The following LRRC7 variants were observed in gnomAD, a reference collection of about 807,000 sequenced individuals.
LRRC7 encodes the protein leucine rich repeat containing 7.
A neutral mutation model predicts 175.7 loss-of-function variants in LRRC7; 23 were observed. The ratio of observed to expected loss-of-function variants is 0.13; its 90% CI spans 0.09 to 0.19. The LOEUF is 0.19. LRRC7 is among the 10% of genes least tolerant of loss of function. The pLI is 1.00. For missense variants in LRRC7, 1,354 were observed against 1,904.7 expected (o/e 0.71, Z 5.38); for synonymous variants, 685 against 680.9 (o/e 1.01, Z -0.09).
intron 1 of LRRC7, among the ~76,000 whole-genome samples, chr1:69,579,794 CTTTTTTTT>C (rs71242784): frequency 1.8e-4 from 23 of 127,152 alleles, no homozygotes; most frequent in East Asian, 4.6e-4. Flanking sequence ...TGAATAGAAG[CTTTTTTTT>C]TTTTTTTTTT....
At chr1:69,968,138 C>T (rs1020446854) in intron 8 of LRRC7, among the ~76,000 whole-genome samples, 4 of 151,908 alleles carry the variant, frequency 2.6e-5, no homozygotes, top group African/African-American at 9.7e-5. Flanking sequence ...ACAATGGATG[C>T]ACTTATAGAA....
chr1:69,988,365 T>C (rs1654124793), intron 10 of LRRC7, among the ~76,000 whole-genome samples: 1 of 152,044 alleles, frequency 6.6e-6, no homozygotes, highest in Non-Finnish European at 1.5e-5. Flanking sequence ...AGCCCAGGAA[T>C]TCGAGTCCAC....
At chr1:70,055,568 C>T (rs1661082616) in intron 23 of LRRC7, among the ~76,000 whole-genome samples, 1 of 152,136 alleles carries the variant, frequency 6.6e-6, no homozygotes, top group Admixed American at 6.5e-5. Flanking sequence ...TTAATTGACT[C>T]ACAGTTCCTC....
chr1:69,892,934 G>C (rs1294108159), intron 7 of LRRC7, among the ~76,000 whole-genome samples: 8 of 152,164 alleles, frequency 5.3e-5, no homozygotes, highest in Non-Finnish European at 1.0e-4. Context: ...ACTTATGCTA[G>C]TGTTGCTTAT....
chr1:69,614,183 A>T (rs777182273), intron 1 of LRRC7, among the ~76,000 whole-genome samples: 69 of 152,008 alleles, frequency 4.5e-4, no homozygotes, highest in East Asian at 9.7e-4. Flanking sequence ...TCATTGAAAA[A>T]TTTTATTGGT....
intron 23 of LRRC7, among the ~76,000 whole-genome samples, chr1:70,066,788 A>G (rs986290304): frequency 6.6e-6 from 1 of 152,046 alleles, no homozygotes; most frequent in Non-Finnish European, 1.5e-5. Context: ...TGCATGTTCA[A>G]TTTGTAAAGA....
At chr1:70,107,602 T>C in intron 25 of LRRC7, 150 bp from the exon 26 acceptor site, 1 of 502,638 alleles carries the variant, frequency 2.0e-6, no homozygotes, top group African/African-American at 1.9e-5. Context: ...GAGTGCTGCC[T>C]TGCTTAAAAT....
At chr1:69,871,049 T>C (rs1685480392) in intron 7 of LRRC7, among the ~76,000 whole-genome samples, 1 of 152,094 alleles carries the variant, frequency 6.6e-6, no homozygotes, top group Admixed American at 6.6e-5. Flanking sequence ...ATATTCTTAA[T>C]TCATTGACTT....
chr1:69,917,822 C>A (rs569255604), intron 7 of LRRC7, among the ~76,000 whole-genome samples: 102 of 152,178 alleles, frequency 6.7e-4, no homozygotes, highest in African/African-American at 2.4e-3. Flanking sequence ...CTTTTAAATC[C>A]TTTGAGGTTG....
At chr1:69,702,007 G>A (rs775390005) in intron 2 of LRRC7, among the ~76,000 whole-genome samples, 1 of 152,138 alleles carries the variant, frequency 6.6e-6, no homozygotes, top group African/African-American at 2.4e-5. Context: ...CTGTTTTTAA[G>A]TTATTTACAT....
intron 25 of LRRC7, among the ~76,000 whole-genome samples, chr1:70,098,991 T>C (rs1460886938): frequency 6.6e-6 from 1 of 152,120 alleles, no homozygotes; most frequent in East Asian, 1.9e-4. Flanking sequence ...ATCATTCTGA[T>C]ACCAAAGCCA....
rs560028067 is a variant in LRRC7, at chr1:69,703,715, T to C, written c.100+25237T>C. 1.4e-3 allele frequency among the ~76,000 whole-genome samples: 213 copies of C among 152,146 alleles called. 1 individual carries two copies. Among genetic ancestry groups the C allele is most frequent in the African/African-American group, 5.0e-3 (206 of 41,556 alleles). ...TAAGTTGTTTAAGTATGTTTGCCGG[T>C]GTGTGTACATATAGCATGTATATGA... On this transcript the variant is annotated intron_variant, in intron 2 of 26. Transcript: ENST00000651989.
chr1:70,115,606 C>G (rs1665800267), intron 26 of LRRC7, among the ~76,000 whole-genome samples: 1 of 152,068 alleles, frequency 6.6e-6, no homozygotes, highest in African/African-American at 2.4e-5. Flanking sequence ...ATCAAATGCC[C>G]ACTGTGTACA....
chr1:69,614,168 A>ACT (rs1214754448), intron 1 of LRRC7, among the ~76,000 whole-genome samples: 1 of 151,688 alleles, frequency 6.6e-6, no homozygotes, highest in Non-Finnish European at 1.5e-5. Flanking sequence ...ACAAACATAA[A>ACT]CTCTTCATTG....
At chr1:69,855,806 G>A (rs1477863894) in intron 7 of LRRC7, among the ~76,000 whole-genome samples, 3 of 152,164 alleles carry the variant, frequency 2.0e-5, no homozygotes, top group Non-Finnish European at 2.9e-5. Flanking sequence ...GAATCTGGGT[G>A]CTCCTGTATT....
Position 69,623,183 on chromosome 1 carries a change from CCAACT to C in LRRC7, c.2+54544_2+54548del, listed in dbSNP as rs1650917574. Among the ~76,000 whole-genome samples, 3 of 152,258 alleles carry C rather than the reference CCAACT, an allele frequency of 2.0e-5. No individual in the cohort carries two copies. The South Asian group carries it at 6.2e-4, about 32-fold the overall frequency. ...AAATTGACATTCCTTCAGGGAAACT[CCAACT>C]CCAACCACAGGAACATGACCTTAGG... On this transcript the variant is annotated intron_variant, in intron 1 of 26. Coordinates refer to ENST00000651989, the MANE Select transcript of LRRC7 (RefSeq NM_001370785.2).
chr1:70,102,580 G>T lies in LRRC7; in HGVS notation c.4546-5172G>T, dbSNP rs533723556. On this transcript the variant is annotated intron_variant, in intron 25 of 26. Transcript: ENST00000651989. ...GGGTCTCACCATTTTGCCCAGGGTG[G>T]TCTCAAACTCCTGGGCTCAAGCAAT... Among the ~76,000 whole-genome samples the T allele has an allele frequency of 5.9e-5, 9 of 152,200 alleles. No homozygotes were observed. In the South Asian group the frequency reaches 1.9e-3, roughly 32 times the overall value.
intron 3 of LRRC7, 26 bp from the exon 4 acceptor site, chr1:69,792,017 T>C: frequency 7.3e-7 from 1 of 1,377,714 alleles, no homozygotes; most frequent in African/African-American, 1.4e-5. Context: ...AATTGAGATC[T>C]AATTAATGAT....
intron 2 of LRRC7, among the ~76,000 whole-genome samples, chr1:69,685,447 A>G (rs577391792): frequency 2.6e-4 from 40 of 152,298 alleles, no homozygotes; most frequent in Admixed American, 7.2e-4. Context: ...AGCATCCATC[A>G]TAAGAATGCT....
Sources: allele counts gnomAD v4.1 joint callset (sites outside exome capture counted in the v4.1 genomes callset), GRCh38; gene constraint gnomAD v4.1.1; transcripts MANE v1.5; gene names NCBI Gene and HGNC (gene_info 2026-07-23, HGNC 2026-07-21).